The following PIK3C2G variants were observed in gnomAD, a reference collection of about 807,000 sequenced individuals.
The protein encoded by PIK3C2G is phosphatidylinositol-4-phosphate 3-kinase catalytic subunit type 2 gamma, also known as phosphatidylinositol 3-kinase C2 domain-containing subunit gamma.
A neutral mutation model predicts 181.1 loss-of-function variants in PIK3C2G; 168 were observed. The observed-to-expected ratio is 0.93, with a 90% confidence interval of 0.82 to 1.05. The LOEUF (loss-of-function observed/expected upper bound fraction) is 1.05, where lower values mean the gene tolerates loss of function less well. Ranked by LOEUF, PIK3C2G falls within the 50% of genes least tolerant of loss-of-function variation. The probability of loss-of-function intolerance (pLI) is 0.00; values close to 1 mark genes in which losing one functional copy is unlikely to be tolerated. For synonymous variants in PIK3C2G, 573 were observed against 592.2 expected (o/e 0.97, Z 0.47); for missense variants, 1,869 against 1,732.8 (o/e 1.08, Z -1.40).
At chr12:18,712,868 G>C in the PIK3C2G span, 10 of 1,613,802 alleles carry the variant, frequency 6.2e-6, no homozygotes, top group Non-Finnish European at 8.5e-6. Context: ...TGTATAGCTT[G>C]GATAACAGTT....
chr12:18,693,420 G>A, the PIK3C2G span: 1 of 1,604,306 alleles, frequency 6.2e-7, no homozygotes, highest in Non-Finnish European at 8.5e-7. Context: ...TGAAGAGATG[G>A]GTATAAAGCC....
intron 24 of PIK3C2G, among the ~76,000 whole-genome samples, chr12:18,529,817 CAGGATTTTAAAGAA>C (rs1468888443): frequency 6.6e-6 from 1 of 152,010 alleles, no homozygotes; most frequent in African/African-American, 2.4e-5. Context: ...GCAATATGAA[CAGGATTTTAAAGAA>C]AGGATTGGAC....
the PIK3C2G span, among the ~76,000 whole-genome samples, chr12:18,691,415 A>G: frequency 6.6e-6 from 1 of 152,162 alleles, no homozygotes; most frequent in Non-Finnish European, 1.5e-5. Context: ...AGACTTGAGC[A>G]TTGTTGGTGG....
At chr12:18,619,772 C>A (rs1174345277) in intron 31 of PIK3C2G, among the ~76,000 whole-genome samples, 2 of 148,782 alleles carry the variant, frequency 1.3e-5, no homozygotes, top group African/African-American at 5.0e-5. Context: ...GATGGAGTCT[C>A]ACTCCATAGT....
chr12:18,483,553 T>G (rs988280017), intron 18 of PIK3C2G, among the ~76,000 whole-genome samples: 8 of 152,020 alleles, frequency 5.3e-5, no homozygotes, highest in African/African-American at 1.9e-4. Context: ...GTTAATTACT[T>G]TTATAGTTTT....
At chr12:18,301,293 A>G (rs911288579) in intron 5 of PIK3C2G, among the ~76,000 whole-genome samples, 3 of 152,180 alleles carry the variant, frequency 2.0e-5, no homozygotes, top group African/African-American at 7.2e-5. Context: ...TTTATTATAT[A>G]GGTCTGCTAT....
At position 18,591,068 on chromosome 12, in the gene PIK3C2G, A is replaced by G. The variant is rs536336558; in HGVS notation, c.4012-3426A>G. 5.3e-5 allele frequency among the ~76,000 whole-genome samples: 8 copies of G among 152,068 alleles called. No individual in the cohort carries two copies. In the South Asian group the frequency reaches 1.4e-3, roughly 28 times the overall value. On this transcript the variant is annotated intron_variant, in intron 29 of 32. Coordinates refer to ENST00000538779, the MANE Select transcript of PIK3C2G (RefSeq NM_001288772.2). Reference sequence around the variant, plus strand: ...AGGCCAAAGAAGGTCAAATTTCCTTAAACAGATTCTGCAGTCTGAGGTTTG... The same window carrying G: ...AGGCCAAAGAAGGTCAAATTTCCTTGAACAGATTCTGCAGTCTGAGGTTTG...
intron 18 of PIK3C2G, among the ~76,000 whole-genome samples, chr12:18,470,150 G>A (rs115654642): frequency 0.011 from 1,620 of 152,104 alleles, 31 homozygotes; most frequent in African/African-American, 0.037. Context: ...CAATTTGGGA[G>A]ATATTATTTA....
intron 4 of PIK3C2G, among the ~76,000 whole-genome samples, chr12:18,291,878 C>T (rs1021351110): frequency 6.0e-5 from 9 of 150,182 alleles, no homozygotes; most frequent in African/African-American, 2.2e-4. Context: ...AAACCAATTC[C>T]TGCTAGCTTA....
At chr12:18,699,695 A>G in the PIK3C2G span, 1 of 1,260,342 alleles carries the variant, frequency 7.9e-7, no homozygotes, top group Non-Finnish European at 1.2e-6. Flanking sequence ...AAATTTTATG[A>G]GAATATACAT....
At chr12:18,716,935 C>T in the PIK3C2G span, among the ~76,000 whole-genome samples, 11 of 151,882 alleles carry the variant, frequency 7.2e-5, no homozygotes, top group African/African-American at 2.7e-4. Flanking sequence ...ATGAGGAAAT[C>T]GAGATACACA....
chr12:18,657,218 C>A, the PIK3C2G span, among the ~76,000 whole-genome samples: 1 of 152,184 alleles, frequency 6.6e-6, no homozygotes, highest in East Asian at 1.9e-4. Flanking sequence ...AGAGTTGGAA[C>A]AAACAATTTA....
At position 18,488,566 on chromosome 12, in the gene PIK3C2G, A is replaced by G. The variant is rs772200939; in HGVS notation, c.2622A>G (p.Lys874=). The G allele has an allele frequency of 1.4e-5, 22 of 1,580,604 alleles. No homozygotes were observed. In the African/African-American group the frequency reaches 2.7e-4, roughly 20 times the overall value. The part of the protein sequence containing the change: ...ALNDEFSKEQ[K]LIKILGDIGE... ...ATGATGAGTTTTCCAAGGAGCAGAA[A>G]CTTATCAAAATTCTGGGAGATATTG... Residue 874 remains lysine, a synonymous_variant, in exon 19 of 33, where the codon AAA becomes AAG. Coordinates refer to ENST00000538779, the MANE Select transcript of PIK3C2G (RefSeq NM_001288772.2).
At chr12:18,381,959 A>G (rs1177810707) in intron 14 of PIK3C2G, 79 bp downstream of exon 14, 3 of 875,576 alleles carry the variant, frequency 3.4e-6, no homozygotes, top group African/African-American at 3.3e-5. Context: ...TATAGAAACA[A>G]TTTCTTCCAG....
chr12:18,664,769 A>G, the PIK3C2G span, among the ~76,000 whole-genome samples: 2 of 151,648 alleles, frequency 1.3e-5, no homozygotes, highest in African/African-American at 2.4e-5. Context: ...AATGTCCAAC[A>G]ATGATAGACT....
chr12:18,494,735 AATACCATG>A (rs1421497215), intron 20 of PIK3C2G, among the ~76,000 whole-genome samples: 2 of 152,156 alleles, frequency 1.3e-5, no homozygotes, highest in African/African-American at 4.8e-5. Flanking sequence ...TTGCTAATTC[AATACCATG>A]ATATATGGTC....
At chr12:18,383,786 C>T (rs1237024129) in intron 14 of PIK3C2G, among the ~76,000 whole-genome samples, 1 of 151,166 alleles carries the variant, frequency 6.6e-6, no homozygotes, top group Non-Finnish European at 1.5e-5. Context: ...GATATGTGAA[C>T]ACTTGTTTTG....
At chr12:18,531,541 C>T (rs147570198) in intron 24 of PIK3C2G, among the ~76,000 whole-genome samples, 29 of 152,104 alleles carry the variant, frequency 1.9e-4, no homozygotes, top group Non-Finnish European at 3.1e-4. Context: ...ACCTTCTTCC[C>T]CACTTCATTC....
At chr12:18,657,104 G>A in the PIK3C2G span, among the ~76,000 whole-genome samples, 51 of 152,154 alleles carry the variant, frequency 3.4e-4, no homozygotes, top group Admixed American at 2.2e-3. Context: ...TTATTTTAAC[G>A]AACTCAAATC....
Sources: gnomAD v4.1 joint callset for allele counts (sites outside exome capture counted in the v4.1 genomes callset) on GRCh38, gnomAD v4.1.1 for gene constraint, MANE v1.5 for transcripts, NCBI Gene and HGNC (gene_info 2026-07-23, HGNC 2026-07-21) for gene names.